DDX46: variants seen among roughly 807,000 people sequenced by gnomAD.
The protein encoded by DDX46 is probable ATP-dependent RNA helicase DDX46.
DDX46 carries 30 observed loss-of-function variants against 134.9 expected under a neutral mutation model. That is an observed-to-expected ratio of 0.22 (90% confidence interval 0.17 to 0.30). The LOEUF is 0.30. Among genes scored for constraint, DDX46 ranks in the 10% least tolerant of loss-of-function variants. The pLI is 1.00. For missense variants in DDX46, 622 were observed against 1,248.7 expected, an observed-to-expected ratio of 0.50 and a Z score of 7.56; for synonymous variants, 415 against 404.1, an observed-to-expected ratio of 1.03 and a Z score of -0.32.
intron 22 of DDX46, 140 bp downstream of exon 22, chr5:134,827,160 A>G (rs1438662436): frequency 5.6e-6 from 4 of 715,456 alleles, no homozygotes; most frequent in Non-Finnish European, 8.7e-6. Flanking sequence ...TGTAGTCACT[A>G]CCCAGATCAA....
chr5:134,769,172 G>A (rs1446805679), intron 3 of DDX46, among the ~76,000 whole-genome samples: 12 of 151,980 alleles, frequency 7.9e-5, no homozygotes, highest in Admixed American at 7.2e-4. Context: ...ATATTGGTCT[G>A]TTTCTTCATT....
chr5:134,791,704 G>A (rs777315726), intron 13 of DDX46, among the ~76,000 whole-genome samples: 1 of 152,168 alleles, frequency 6.6e-6, no homozygotes, highest in African/African-American at 2.4e-5. Context: ...TAAGGCAAAT[G>A]TCATATTTAG....
chr5:134,769,108 C>T (rs1561851727), intron 3 of DDX46, among the ~76,000 whole-genome samples: 1 of 152,074 alleles, frequency 6.6e-6, no homozygotes. Context: ...AAATGCATGT[C>T]CCTTGGGATT....
intron 7 of DDX46, 39 bp downstream of exon 7, chr5:134,781,285 C>G (rs2150140364): frequency 1.4e-6 from 2 of 1,462,636 alleles, no homozygotes; most frequent in African/African-American, 1.4e-5. Context: ...ATGATACTAT[C>G]CTGGAAGCAT....
chr5:134,769,505 A>AT (rs550069062), intron 3 of DDX46, among the ~76,000 whole-genome samples: 72 of 104,024 alleles, frequency 6.9e-4, no homozygotes, highest in African/African-American at 2.3e-3. Flanking sequence ...TGATTTTTGT[A>AT]TTTTTTAGTA....
chr5:134,767,094 G>C, intron 3 of DDX46, 34 bp downstream of exon 3: 1 of 1,559,620 alleles, frequency 6.4e-7, no homozygotes, highest in Non-Finnish European at 8.6e-7. Context: ...CTATAGTGCA[G>C]ACTGGGGACT....
intron 19 of DDX46, chr5:134,816,828 C>A (rs1755298940): frequency 8.1e-6 from 4 of 495,586 alleles, no homozygotes; most frequent in Non-Finnish European, 1.4e-5. Context: ...AACTGTTAGC[C>A]ACTGGTAGTT....
At chr5:134,797,034 C>T (rs772896912) in intron 15 of DDX46, 12 of 205,936 alleles carry the variant, frequency 5.8e-5, no homozygotes, top group Non-Finnish European at 9.9e-5. Context: ...CCTGTAATCC[C>T]AGCTACTTGG....
chr5:134,784,810 G>A (rs1580791086), intron 10 of DDX46: 1 of 211,484 alleles, frequency 4.7e-6, no homozygotes, highest in Middle Eastern at 1.8e-3. Context: ...TAGACTCCTC[G>A]TGCATCTATC....
intron 22 of DDX46, 22 bp downstream of exon 22, chr5:134,827,042 T>C: frequency 6.3e-7 from 1 of 1,599,518 alleles, no homozygotes; most frequent in East Asian, 2.2e-5. Flanking sequence ...CCTTAAAGTT[T>C]CGTTTGTTTT....
chr5:134,790,673 C>T (rs1754474033), intron 13 of DDX46, 121 bp downstream of exon 13: 2 of 799,450 alleles, frequency 2.5e-6, no homozygotes, highest in Non-Finnish European at 4.0e-6. Context: ...CACGGTAATA[C>T]AGAAGACTGG....
At chr5:134,767,375 G>A (rs1168055786) in intron 3 of DDX46, among the ~76,000 whole-genome samples, 2 of 152,026 alleles carry the variant, frequency 1.3e-5, no homozygotes, top group African/African-American at 4.8e-5. Flanking sequence ...GTCTCACTCT[G>A]TTGCCCAGGC....
chr5:134,809,937 C>T (rs190496854), intron 16 of DDX46, among the ~76,000 whole-genome samples: 26 of 152,190 alleles, frequency 1.7e-4, no homozygotes, highest in East Asian at 1.9e-4. Flanking sequence ...AGCTTGAACC[C>T]GGGAGGCAGA....
At chr5:134,811,442 T>A in intron 17 of DDX46, 84 bp downstream of exon 17, 1 of 1,516,538 alleles carries the variant, frequency 6.6e-7, no homozygotes, top group Non-Finnish European at 8.9e-7. Flanking sequence ...ATCTTTTATT[T>A]AACACTTGAA....
intron 5 of DDX46, 112 bp from the exon 6 acceptor site, chr5:134,777,462 A>G (rs1249372374): frequency 1.7e-6 from 2 of 1,205,606 alleles, no homozygotes; most frequent in Non-Finnish European, 2.3e-6. Context: ...AGTAATTGGA[A>G]AAGGGGTGTT....
intron 15 of DDX46, among the ~76,000 whole-genome samples, chr5:134,800,478 G>A (rs766739756): frequency 5.3e-5 from 8 of 151,996 alleles, no homozygotes; most frequent in Non-Finnish European, 1.2e-4. Context: ...ATTTCTGTTG[G>A]ACACTGGGGA....
rs1358929279 is a variant in DDX46, at chr5:134,811,780, A to C, written c.2371A>C (p.Arg791=). 16 of 1,614,014 alleles carry C rather than the reference A, an allele frequency of 9.9e-6. No homozygotes were observed. The highest frequency in any genetic ancestry group is 1.2e-5 in the Non-Finnish European group (14 of 1,179,974). ...AACAGAACAAGCTTTGGCTAATGAG[A>C]GGAAGAAGTTACAAAAAGCAGCTCT... ...DETEQALANE[R]KKLQKAALGL... is the part of the protein sequence containing the mutation. The change falls in exon 18 of 23, where the codon AGG becomes CGG. Residue 791 remains arginine (R), a synonymous_variant. Coordinates refer to ENST00000452510, the MANE Select transcript of DDX46 (RefSeq NM_001300860.2).
chr5:134,782,834 C>G, intron 8 of DDX46, 111 bp from the exon 9 acceptor site: 2 of 1,365,456 alleles, frequency 1.5e-6, no homozygotes, highest in Non-Finnish European at 2.0e-6. Flanking sequence ...AGGTGTGAGC[C>G]GCTGGGTCTG....
intron 6 of DDX46, 138 bp from the exon 7 acceptor site, chr5:134,780,995 G>A: frequency 3.6e-6 from 2 of 560,482 alleles, no homozygotes; most frequent in South Asian, 2.4e-5. Context: ...CACCACTCAA[G>A]CCTGGGTGAC....
Sources: allele counts gnomAD v4.1 joint callset (sites outside exome capture counted in the v4.1 genomes callset), GRCh38; gene constraint gnomAD v4.1.1; transcripts MANE v1.5; gene names NCBI Gene and HGNC (gene_info 2026-07-23, HGNC 2026-07-21).